Variants in DMAC2 observed in about 807,000 individuals in gnomAD.
The protein encoded by DMAC2 is distal membrane arm assembly component 2.
In DMAC2, 32 loss-of-function variants were observed where a neutral mutation model predicts 29.6. That is an observed-to-expected ratio of 1.08 (90% CI 0.81 to 1.45). The LOEUF (loss-of-function observed/expected upper bound fraction) is 1.45, where lower values mean the gene tolerates loss of function less well. DMAC2 is among the 40% of genes most tolerant of loss of function. DMAC2 has a pLI of 0.00. For synonymous variants in DMAC2, 133 were observed against 137.4 expected (o/e 0.97, Z 0.23); for missense variants, 319 against 340.0 (o/e 0.94, Z 0.49).
rs149102482 is a variant in DMAC2, at chr19:41,432,568, CGTGTGTGTGTGTGT to C, written c.597-174_597-161del. 99 of 520,184 alleles carry C rather than the reference CGTGTGTGTGTGTGT, an allele frequency of 1.9e-4. 1 individual carries two copies. The South Asian group carries it at 2.0e-3, about 11-fold the overall frequency. The allele number at this position is 520,184 out of a possible 1,614,324, so 32.2% of individuals were successfully genotyped here. Reference sequence around the variant, plus strand: ...ATAGGGAGGTACAGGACAGTGTGTGCGTGTGTGTGTGTGTGTGTGTATAGGGAGGTAAGCCAGTG... The same window carrying C: ...ATAGGGAGGTACAGGACAGTGTGTGCGTGTGTATAGGGAGGTAAGCCAGTG... On this transcript the variant is annotated intron_variant, in intron 5 of 5. Coordinates refer to ENST00000221943, the MANE Select transcript of DMAC2 (RefSeq NM_018035.3).
At position 41,432,075 on chromosome 19, in the gene DMAC2, A is replaced by C. The variant is rs2039538506; in HGVS notation, c.*156T>G. The C allele has an allele frequency of 1.8e-5, 15 of 820,618 alleles. No homozygotes were observed. In the South Asian group the frequency reaches 2.6e-4, roughly 14 times the overall value. 50.8% of individuals were successfully genotyped at this position (820,618 alleles called of 1,614,324 possible). A position where few individuals can be genotyped will look rare whatever the true frequency, so the allele number is the denominator to read the frequency against. On this transcript the variant is annotated 3_prime_UTR_variant, in exon 6 of 6. Coordinates refer to ENST00000221943, the MANE Select transcript of DMAC2 (RefSeq NM_018035.3). Reference sequence around the variant, plus strand: ...CCTTTAGCCAAGGGCAGCCAGGAATAAATACTGGGAACTCACGCTCTCTCC... The same window carrying C: ...CCTTTAGCCAAGGGCAGCCAGGAATCAATACTGGGAACTCACGCTCTCTCC...
chr19:41,436,753 G>A (rs1397572034), intron 2 of DMAC2, among the ~76,000 whole-genome samples: 1 of 152,236 alleles, frequency 6.6e-6, no homozygotes, highest in Non-Finnish European at 1.5e-5. Context: ...GCAAACTGCA[G>A]AGAATGTCAA....
At chr19:41,432,869 CGTGTGTGT>C in intron 5 of DMAC2, 1 of 396,228 alleles carries the variant, frequency 2.5e-6, no homozygotes, top group Non-Finnish European at 4.4e-6. Context: ...TGTGTGCGTG[CGTGTGTGT>C]GTGTGCGTGC....
chr19:41,434,646 G>A (rs1044110647), intron 3 of DMAC2, among the ~76,000 whole-genome samples: 5 of 151,978 alleles, frequency 3.3e-5, no homozygotes, highest in Admixed American at 1.3e-4. Context: ...AAGAAAAAAA[G>A]CAAAGGAAAG....
chr19:41,433,670 A>G lies in DMAC2; in HGVS notation c.300T>C (p.Phe100=), dbSNP rs782044176. ...CTGGCCTGATCCACTCCTTGTCTCGAAACCTGGAAACGGGAAAGGGAGTGT... is the reference window on the plus strand; with the variant it reads ...CTGGCCTGATCCACTCCTTGTCTCGGAACCTGGAAACGGGAAAGGGAGTGT... The part of the protein sequence containing the change: ...FILKQGGAVK[F]RDKEWIRPDK... The change falls in exon 4 of 6, where the codon TTT becomes TTC. Residue 100 remains phenylalanine (F), a synonymous_variant. Coordinates refer to ENST00000221943, the MANE Select transcript of DMAC2 (RefSeq NM_018035.3). The G allele has an allele frequency of 1.2e-6, 2 of 1,614,222 alleles. No individual in the cohort carries two copies. The highest frequency in any genetic ancestry group is 2.2e-5 in the South Asian group (2 of 91,088).
At chr19:41,435,438 T>C (rs1555770886) in intron 3 of DMAC2, among the ~76,000 whole-genome samples, 1 of 151,922 alleles carries the variant, frequency 6.6e-6, no homozygotes, top group African/African-American at 2.4e-5. Flanking sequence ...GCCAAGCTAA[T>C]TTTGTATTTT....
intron 4 of DMAC2, 34 bp downstream of exon 4, chr19:41,433,503 G>C: frequency 1.9e-6 from 3 of 1,614,006 alleles, no homozygotes; most frequent in Non-Finnish European, 2.5e-6. Context: ...GGAAAACATA[G>C]AGGCCTGTCC....
At position 41,433,439 on chromosome 19, in the gene DMAC2, G is replaced by A. The variant is rs782816884; in HGVS notation, c.434-5C>T. The A allele has an allele frequency of 9.9e-6, 16 of 1,613,192 alleles. No homozygotes were observed. Among genetic ancestry groups the A allele is most frequent in the South Asian group, 2.2e-5 (2 of 91,062 alleles). The stretch of plus-strand genomic sequence containing the variant: ...ACTGGAGCTCCTTCAGGCGGACTGC[G>A]GTGGGGAGAGGGTGGGATGGCACCA... On this transcript the variant is annotated splice_polypyrimidine_tract_variant and splice_region_variant and intron_variant, in intron 4 of 5. Transcript: ENST00000221943.
At position 41,436,418 on chromosome 19, in the gene DMAC2, G is replaced by GA. The variant is rs1555771183; in HGVS notation, c.269dup (p.Ile91HisfsTer20). ...TGACTGCGCCTCCCTGCTTCAGGAT[G>GA]AAAAAGGCACCTGCGCCGTATGGAC... On this transcript the variant is annotated frameshift_variant, in exon 3 of 6. Transcript: ENST00000221943. LOFTEE classifies it high-confidence loss of function. The GA allele has an allele frequency of 8.7e-6, 14 of 1,614,026 alleles. No homozygotes were observed. Among genetic ancestry groups the GA allele is most frequent in the Non-Finnish European group, 1.2e-5 (14 of 1,180,038 alleles).
rs782279895 is a variant in DMAC2 at position 41,432,653 on chromosome 19, C to CGTGTGTGTGTGT, written c.597-257_597-246dup. On this transcript the variant is annotated intron_variant, in intron 5 of 5. Transcript: ENST00000221943. ...GTGTGTGTAGGGAGGTACAGGACAG[C>CGTGTGTGTGTGT]GTGTGTGTGTGTGTGTGTGTGTGTA... 5.0e-3 allele frequency: 1,112 copies of CGTGTGTGTGTGT among 220,662 alleles called. 56 individuals carry two copies. Among genetic ancestry groups the CGTGTGTGTGTGT allele is most frequent in the African/African-American group, 0.049 (923 of 18,970 alleles). The allele number at this position is 220,662 out of a possible 1,614,324, so 13.7% of individuals were successfully genotyped here.
chr19:41,436,905 G>A (rs151021141), intron 2 of DMAC2, among the ~76,000 whole-genome samples: 46 of 152,290 alleles, frequency 3.0e-4, no homozygotes, highest in Admixed American at 2.8e-3. Context: ...AAGGAACAGA[G>A]TATAAAGGCT....
chr19:41,436,156 G>A (rs782659615), intron 3 of DMAC2, among the ~76,000 whole-genome samples: 13 of 152,248 alleles, frequency 8.5e-5, no homozygotes, highest in South Asian at 2.1e-4. Context: ...GATTACAGGC[G>A]TGAGCCACCG....
chr19:41,433,793 C>T, intron 3 of DMAC2, 120 bp from the exon 4 acceptor site: 1 of 1,375,678 alleles, frequency 7.3e-7, no homozygotes, highest in Admixed American at 2.2e-5. Flanking sequence ...TAACTAATTC[C>T]ATCTTAGAAA....
intron 3 of DMAC2, among the ~76,000 whole-genome samples, chr19:41,433,951 T>G (rs868957145): frequency 7.9e-5 from 12 of 151,626 alleles, no homozygotes; most frequent in South Asian, 4.2e-4. Flanking sequence ...ATACAAAAAT[T>G]GGCCAGGTGC....
In DMAC2 at chr19:41,439,871, C is replaced by A. The variant is rs782374006; in HGVS notation, c.18+11G>T. The A allele has an allele frequency of 5.6e-6, 9 of 1,614,164 alleles. No individual in the cohort carries two copies. Among genetic ancestry groups the A allele is most frequent in the Non-Finnish European group, 6.8e-6 (8 of 1,180,012 alleles). On this transcript the variant is annotated intron_variant, in intron 1 of 5. Coordinates refer to ENST00000221943, the MANE Select transcript of DMAC2 (RefSeq NM_018035.3). ...TTCAAATTTGGGGCTCTAGGAACTC[C>A]GGTCACTTACCGCCCAGGGAGCCGC...
At chr19:41,435,298 C>T (rs912745102) in intron 3 of DMAC2, among the ~76,000 whole-genome samples, 1 of 151,996 alleles carries the variant, frequency 6.6e-6, no homozygotes, top group Non-Finnish European at 1.5e-5. Flanking sequence ...GAGACAGAGT[C>T]TTGCTCTGTC....
rs776446210 is a variant in DMAC2 at position 41,433,292 on chromosome 19, G to A, written c.576C>T (p.Leu192=). 27 of 1,609,892 alleles carry A rather than the reference G, an allele frequency of 1.7e-5. No individual in the cohort carries two copies. The highest frequency in any genetic ancestry group is 2.2e-5 in the South Asian group (2 of 90,984). ...AGCPRISERG[L]ACLHHLQNLR... ...CTCACTGGAGGTGGTGGAGGCAGGC[G>A]AGGCCCCGTTCGGAGATGCGGGGGC... is the stretch of plus-strand genomic sequence containing the variant. Residue 192 remains leucine (L), a synonymous_variant, in exon 5 of 6, where the codon CTC becomes CTT. Coordinates refer to ENST00000221943, the MANE Select transcript of DMAC2 (RefSeq NM_018035.3).
chr19:41,438,469 G>A, intron 1 of DMAC2, 55 bp from the exon 2 acceptor site: 1 of 1,431,770 alleles, frequency 7.0e-7, no homozygotes, highest in Non-Finnish European at 9.5e-7. Flanking sequence ...GAGACACAGA[G>A]CTGGATCCCC....
chr19:41,438,285 A>G lies in DMAC2; in HGVS notation c.148T>C (p.Tyr50His), dbSNP rs2039973770. 5 of 1,614,118 alleles carry G rather than the reference A, an allele frequency of 3.1e-6. No individual in the cohort carries two copies. Among genetic ancestry groups the G allele is most frequent in the Non-Finnish European group, 4.2e-6 (5 of 1,180,030 alleles). ...TAATCCCTCAGAGCCTCCACATCGT[A>G]GAAATAGTTGGTCAGGAACTGGAGT... The part of the protein sequence containing the change: ...TILQFLTNYF[Y>H]DVEALRDYLL... Residue 50 changes from tyrosine to histidine, a missense_variant, in exon 2 of 6, where the codon TAC becomes CAC. Physicochemically the swap from Tyr to His is moderately conservative, Grantham distance 83. Transcript: ENST00000221943.
Sources: gnomAD v4.1 joint callset for allele counts (sites outside exome capture counted in the v4.1 genomes callset) on GRCh38, gnomAD v4.1.1 for gene constraint, MANE v1.5 for transcripts, NCBI Gene and HGNC (gene_info 2026-07-23, HGNC 2026-07-21) for gene names.